The following SSBP2 variants were observed in gnomAD, a reference collection of about 807,000 sequenced individuals.
SSBP2 encodes single-stranded DNA-binding protein 2.
A neutral mutation model predicts 61.8 loss-of-function variants in SSBP2; 17 were observed. The ratio of observed to expected loss-of-function variants is 0.28; its 90% CI spans 0.19 to 0.41. SSBP2 has a LOEUF of 0.41. Ranked by LOEUF, SSBP2 falls within the 10% of genes least tolerant of loss-of-function variation. The probability of loss-of-function intolerance (pLI) is 1.00; values close to 1 mark genes in which losing one functional copy is unlikely to be tolerated. For synonymous variants in SSBP2, 139 were observed against 141.3 expected (o/e 0.98, Z 0.12); for missense variants, 310 against 458.7 (o/e 0.68, Z 2.96).
chr5:81,671,831 G>A, intron 1 of SSBP2, among the ~76,000 whole-genome samples: 1 of 152,092 alleles, frequency 6.6e-6, no homozygotes. Flanking sequence ...TGAATAGGAA[G>A]AAACCATGGA....
intron 3 of SSBP2, among the ~76,000 whole-genome samples, chr5:81,633,370 C>T (rs894987199): frequency 1.3e-5 from 2 of 152,094 alleles, no homozygotes; most frequent in African/African-American, 2.4e-5. Flanking sequence ...CCCGCCTCAG[C>T]CTCCCAAAGT....
At chr5:81,448,987 A>G (rs1332670710) in intron 10 of SSBP2, among the ~76,000 whole-genome samples, 162 bp from the exon 11 acceptor site, 1 of 152,208 alleles carries the variant, frequency 6.6e-6, no homozygotes, top group Admixed American at 6.5e-5. Flanking sequence ...GGAAAACTGA[A>G]TAATAATAAC....
At chr5:81,545,178 C>T (rs892931113) in intron 4 of SSBP2, among the ~76,000 whole-genome samples, 1 of 152,048 alleles carries the variant, frequency 6.6e-6, no homozygotes, top group Non-Finnish European at 1.5e-5. Context: ...ATGCCTTATA[C>T]AGTATTAAAG....
intron 12 of SSBP2, among the ~76,000 whole-genome samples, chr5:81,446,218 G>A (rs1445936241): frequency 1.3e-5 from 2 of 150,556 alleles, no homozygotes; most frequent in African/African-American, 5.0e-5. Context: ...AGAAGGGTGC[G>A]CCAATTTAGT....
chr5:81,615,707 G>T, intron 3 of SSBP2, 150 bp from the exon 4 acceptor site: 1 of 564,974 alleles, frequency 1.8e-6, no homozygotes, highest in South Asian at 2.5e-5. Flanking sequence ...CGCAAGCAAG[G>T]CTCTTCATGC....
intron 4 of SSBP2, among the ~76,000 whole-genome samples, chr5:81,577,332 C>T (rs1774289152): frequency 6.6e-6 from 1 of 151,946 alleles, no homozygotes; most frequent in Non-Finnish European, 1.5e-5. Context: ...TAAATCTTCC[C>T]TTCTGAAAGA....
chr5:81,727,484 G>A (rs1197023603), intron 1 of SSBP2, among the ~76,000 whole-genome samples: 1 of 152,096 alleles, frequency 6.6e-6, no homozygotes, highest in East Asian at 1.9e-4. Flanking sequence ...AGGAGGCAGA[G>A]GTTGCAGTGA....
At chr5:81,678,358 C>A (rs1409947774) in intron 1 of SSBP2, among the ~76,000 whole-genome samples, 1 of 113,054 alleles carries the variant, frequency 8.8e-6, no homozygotes, top group Non-Finnish European at 1.8e-5. Flanking sequence ...ACAGTCCCAA[C>A]TGAAAAGCAG....
intron 3 of SSBP2, among the ~76,000 whole-genome samples, chr5:81,616,964 T>C (rs1746125050): frequency 7.2e-6 from 1 of 139,240 alleles, no homozygotes; most frequent in Non-Finnish European, 1.6e-5. Context: ...ATCACCATCA[T>C]CAAAGACCAA....
intron 1 of SSBP2, among the ~76,000 whole-genome samples, chr5:81,745,015 T>A (rs1416560066): frequency 6.6e-6 from 1 of 152,138 alleles, no homozygotes; most frequent in Admixed American, 6.5e-5. Context: ...AAGAAAAACA[T>A]TAACAGTTCC....
At chr5:81,565,053 A>G (rs983301885) in intron 4 of SSBP2, among the ~76,000 whole-genome samples, 7 of 152,234 alleles carry the variant, frequency 4.6e-5, no homozygotes, top group African/African-American at 1.4e-4. Context: ...AGCATTACGC[A>G]TAGTCTTCTG....
chr5:81,751,629 C>T (rs1465745958), upstream of SSBP2: 1 of 159,164 alleles, frequency 6.3e-6, no homozygotes, highest in Non-Finnish European at 1.4e-5. Flanking sequence ...AGCCCCTCTC[C>T]CGCTCCTCTC....
chr5:81,566,027 A>C (rs574557278), intron 4 of SSBP2, among the ~76,000 whole-genome samples: 171 of 152,350 alleles, frequency 1.1e-3, no homozygotes, highest in Non-Finnish European at 2.9e-4. Flanking sequence ...GACTCAGGGA[A>C]GACCATGATA....
At chr5:81,675,274 A>G (rs1726063917) in intron 1 of SSBP2, among the ~76,000 whole-genome samples, 1 of 152,192 alleles carries the variant, frequency 6.6e-6, no homozygotes, top group South Asian at 2.1e-4. Flanking sequence ...CAGCTAAAAA[A>G]TAATAGTCCC....
At chr5:81,434,836 G>T (rs542573348) in intron 15 of SSBP2, among the ~76,000 whole-genome samples, 7 of 152,234 alleles carry the variant, frequency 4.6e-5, no homozygotes, top group Middle Eastern at 3.4e-3. Flanking sequence ...TGGGAAAAGC[G>T]AGTTAGTGAC....
At chr5:81,658,633 T>G (rs919456625) in intron 1 of SSBP2, among the ~76,000 whole-genome samples, 1 of 152,218 alleles carries the variant, frequency 6.6e-6, no homozygotes, top group Non-Finnish European at 1.5e-5. Flanking sequence ...TACTAACGGC[T>G]GACTGTATAA....
Position 81,683,373 on chromosome 5 carries a change from C to A in SSBP2, c.63-33034G>T, listed in dbSNP as rs1348833993. Among the ~76,000 whole-genome samples the A allele has an allele frequency of 4.6e-5, 7 of 152,176 alleles. No individual in the cohort carries two copies. In the East Asian group the frequency reaches 1.4e-3, roughly 29 times the overall value. ...CTGTGACAAAGGAGTAAAGGCAATA[C>A]AATGGAGCAAAGATAGTCTTTGAAC... On this transcript the variant is annotated intron_variant, in intron 1 of 16. Transcript: ENST00000320672.
intron 6 of SSBP2, among the ~76,000 whole-genome samples, chr5:81,486,897 C>G (rs1424556475): frequency 3.9e-5 from 6 of 152,158 alleles, no homozygotes; most frequent in East Asian, 1.9e-4. Context: ...CAAAGTTCTC[C>G]CCTGGGGGTG....
At chr5:81,429,118 C>T (rs899209218) in intron 15 of SSBP2, among the ~76,000 whole-genome samples, 1 of 152,244 alleles carries the variant, frequency 6.6e-6, no homozygotes, top group East Asian at 1.9e-4. Flanking sequence ...TAAACATTTC[C>T]TTTTAATTCT....
Sources: gnomAD v4.1 joint callset for allele counts (sites outside exome capture counted in the v4.1 genomes callset) on GRCh38, gnomAD v4.1.1 for gene constraint, MANE v1.5 for transcripts, NCBI Gene and HGNC (gene_info 2026-07-23, HGNC 2026-07-21) for gene names.